The following PTPRS variants were observed in gnomAD, a reference collection of about 807,000 sequenced individuals.
PTPRS encodes the protein receptor-type tyrosine-protein phosphatase S.
A neutral mutation model predicts 215.3 loss-of-function variants in PTPRS; 63 were observed. The observed-to-expected ratio is 0.29, with a 90% CI of 0.24 to 0.36. The LOEUF (loss-of-function observed/expected upper bound fraction) is 0.36, where lower values mean the gene tolerates loss of function less well. Among genes scored for constraint, PTPRS ranks in the 10% least tolerant of loss-of-function variants. PTPRS has a pLI of 1.00. For synonymous variants in PTPRS, 1,404 were observed against 1,191.4 expected (o/e 1.18, Z -3.68); for missense variants, 2,258 against 2,825.8 (o/e 0.80, Z 4.56).
At position 5,229,644 on chromosome 19, in the gene PTPRS, G is replaced by C. The variant is rs1331877453; in HGVS notation, c.2196C>G (p.Leu732=). 3 of 1,328,690 alleles carry C rather than the reference G, an allele frequency of 2.3e-6. No homozygotes were observed. Among genetic ancestry groups the C allele is most frequent in the Non-Finnish European group, 2.9e-6 (3 of 1,045,422 alleles). 82.3% of individuals were successfully genotyped at this position (1,328,690 alleles called of 1,614,324 possible). A position where few individuals can be genotyped will look rare whatever the true frequency, so the allele number is the denominator to read the frequency against. ...APPRKVEAEA[L]NATAIRVLWR... ...ACAGCACGCGGATGGCCGTGGCGTTGAGCGCCTCCGCCTCCACCTTCCGCG... is the reference window on the plus strand; with the variant it reads ...ACAGCACGCGGATGGCCGTGGCGTTCAGCGCCTCCGCCTCCACCTTCCGCG... Residue 732 remains leucine (L), a synonymous_variant, in exon 15 of 38, where the codon CTC becomes CTG. Coordinates refer to ENST00000262963, the MANE Select transcript of PTPRS (RefSeq NM_002850.4).
chr19:5,224,239 G>GT (rs1338797135), intron 17 of PTPRS, among the ~76,000 whole-genome samples: 1 of 152,146 alleles, frequency 6.6e-6, no homozygotes, highest in African/African-American at 2.4e-5. Flanking sequence ...AAAGAAGAAA[G>GT]AGAGGGAACC....
At chr19:5,240,593 A>G (rs894990587) in intron 11 of PTPRS, among the ~76,000 whole-genome samples, 4 of 151,914 alleles carry the variant, frequency 2.6e-5, no homozygotes, top group Non-Finnish European at 5.9e-5. Flanking sequence ...TAATCCCAGC[A>G]CTTTAGGAGG....
chr19:5,320,034 G>A (rs1278529348), intron 1 of PTPRS, among the ~76,000 whole-genome samples: 6 of 152,198 alleles, frequency 3.9e-5, no homozygotes, highest in African/African-American at 1.4e-4. Context: ...GGAGGCATCT[G>A]AGAAATCCCC....
chr19:5,256,129 G>A lies in PTPRS; in HGVS notation c.707-10C>T. The A allele has an allele frequency of 6.6e-7, 1 of 1,523,218 alleles. No individual in the cohort carries two copies. Among genetic ancestry groups the A allele is most frequent in the Non-Finnish European group, 9.1e-7 (1 of 1,100,744 alleles). The allele number at this position is 1,523,218 out of a possible 1,614,324, so 94.4% of individuals were successfully genotyped here. A position where few individuals can be genotyped will look rare whatever the true frequency, so the allele number is the denominator to read the frequency against. ...CAACCTTCTCGAAGCTCTGAGGGATGTAAAGGGGGTTTGATGCAGAACACA... is the reference window on the plus strand; with the variant it reads ...CAACCTTCTCGAAGCTCTGAGGGATATAAAGGGGGTTTGATGCAGAACACA... On this transcript the variant is annotated splice_polypyrimidine_tract_variant and intron_variant, in intron 8 of 37. Coordinates refer to ENST00000262963, the MANE Select transcript of PTPRS (RefSeq NM_002850.4).
intron 1 of PTPRS, among the ~76,000 whole-genome samples, chr19:5,333,884 T>G (rs1209850274): frequency 6.6e-6 from 1 of 152,210 alleles, no homozygotes; most frequent in African/African-American, 2.4e-5. Context: ...AATGCATGCA[T>G]GCTCGCTCGC....
At chr19:5,288,997 G>A (rs2048590918) in intron 1 of PTPRS, among the ~76,000 whole-genome samples, 2 of 152,260 alleles carry the variant, frequency 1.3e-5, no homozygotes, top group East Asian at 1.9e-4. Context: ...GGGCAGGGAC[G>A]AGGGGCTACA....
rs781044196 is a variant in PTPRS, at chr19:5,212,511, C to G, written c.4615-20G>C. 6.4e-7 allele frequency: 1 copy of G among 1,569,160 alleles called. No homozygotes were observed. The highest frequency in any genetic ancestry group is 1.4e-5 in the African/African-American group (1 of 73,892). On this transcript the variant is annotated intron_variant, in intron 30 of 37. Coordinates refer to ENST00000262963, the MANE Select transcript of PTPRS (RefSeq NM_002850.4). ...GCCATTCTGGGGACCACAAGGATGT[C>G]ACCTGTCACTCCGGCTCAACCTGCC...
intron 16 of PTPRS, among the ~76,000 whole-genome samples, chr19:5,228,453 C>T (rs1345548480): frequency 1.3e-5 from 2 of 151,512 alleles, no homozygotes; most frequent in African/African-American, 4.9e-5. Context: ...TCAAACGATT[C>T]TCCTGCCTCA....
At chr19:5,214,506 C>T (rs753839474) in intron 29 of PTPRS, 26 bp from the exon 30 acceptor site, 50 of 1,613,502 alleles carry the variant, frequency 3.1e-5, no homozygotes, top group Non-Finnish European at 4.2e-5. Context: ...GAACAGGTGT[C>T]AGCAGGGACA....
chr19:5,269,741 C>A (rs1011711741), intron 4 of PTPRS, among the ~76,000 whole-genome samples: 1 of 151,864 alleles, frequency 6.6e-6, no homozygotes, highest in Non-Finnish European at 1.5e-5. Context: ...ACCAACATGG[C>A]GAAACACTGT....
Position 5,223,390 on chromosome 19 carries a change from A to G in PTPRS, c.2495-93T>C, listed in dbSNP as rs980045879. On this transcript the variant is annotated intron_variant, in intron 17 of 37. Coordinates refer to ENST00000262963, the MANE Select transcript of PTPRS (RefSeq NM_002850.4). ...TTGTATTTTTAATTCTTTTCCTTCA[A>G]TATAACATTTTTTTGAGTTGGGGGG... The G allele has an allele frequency of 4.5e-6, 6 of 1,322,412 alleles. No individual in the cohort carries two copies. In the Admixed American group the frequency reaches 2.3e-4, roughly 51 times the overall value. The allele number at this position is 1,322,412 out of a possible 1,614,324, so 81.9% of individuals were successfully genotyped here. A position where few individuals can be genotyped will look rare whatever the true frequency, so the allele number is the denominator to read the frequency against.
At chr19:5,333,461 T>C (rs990952803) in intron 1 of PTPRS, among the ~76,000 whole-genome samples, 1 of 151,894 alleles carries the variant, frequency 6.6e-6, no homozygotes, top group Non-Finnish European at 1.5e-5. Context: ...TGAGCCATTA[T>C]GGCATCACTG....
intron 37 of PTPRS, 60 bp from the exon 38 acceptor site, chr19:5,206,902 C>G: frequency 3.9e-6 from 6 of 1,519,968 alleles, no homozygotes; most frequent in Non-Finnish European, 5.5e-6. Flanking sequence ...CCAGGGCTCC[C>G]TATCGCCCTC....
At chr19:5,241,228 G>C (rs190343203) in intron 11 of PTPRS, among the ~76,000 whole-genome samples, 4 of 152,014 alleles carry the variant, frequency 2.6e-5, no homozygotes, top group Admixed American at 2.6e-4. Context: ...GCCCTCGCTG[G>C]CTGCGAATTA....
Position 5,257,904 on chromosome 19 carries a change from C to T in PTPRS, c.706+113G>A, listed in dbSNP as rs964558818. ...GGTCCCACCGCGACCGGGGAGGGGC[C>T]TTCCTGCTTGGGTGTGCAGGGGACG... is the stretch of plus-strand genomic sequence containing the variant. On this transcript the variant is annotated intron_variant, in intron 8 of 37. Coordinates refer to ENST00000262963, the MANE Select transcript of PTPRS (RefSeq NM_002850.4). This position sits in a 1 kb window ranked among gnomAD's most constrained non-coding sequence, Gnocchi z 4.4. 18 of 881,902 alleles carry T rather than the reference C, an allele frequency of 2.0e-5. No individual in the cohort carries two copies. The highest frequency in any genetic ancestry group is 3.2e-5 in the Non-Finnish European group (18 of 569,976). 54.6% of individuals were successfully genotyped at this position (881,902 alleles called of 1,614,324 possible). A position where few individuals can be genotyped will look rare whatever the true frequency, so the allele number is the denominator to read the frequency against.
intron 1 of PTPRS, among the ~76,000 whole-genome samples, chr19:5,331,720 G>A (rs538759666): frequency 1.6e-4 from 24 of 152,334 alleles, no homozygotes; most frequent in African/African-American, 5.8e-4. Context: ...GCTACAGAAA[G>A]AACGAGGGAT....
intron 2 of PTPRS, among the ~76,000 whole-genome samples, chr19:5,276,142 A>G (rs2047340474): frequency 6.6e-6 from 1 of 152,210 alleles, no homozygotes; most frequent in Non-Finnish European, 1.5e-5. Context: ...CCTGGCTTTC[A>G]CATCCACATT....
chr19:5,320,821 C>T (rs1031994780), intron 1 of PTPRS, among the ~76,000 whole-genome samples: 14 of 152,186 alleles, frequency 9.2e-5, no homozygotes, highest in African/African-American at 3.4e-4. Flanking sequence ...CCCAAGGGAG[C>T]CTGGATGGTT....
chr19:5,321,617 A>C (rs971365207), intron 1 of PTPRS, among the ~76,000 whole-genome samples: 8 of 152,244 alleles, frequency 5.3e-5, no homozygotes, highest in African/African-American at 1.9e-4. Context: ...AGAGTGGAGA[A>C]GCCTCAGATG....
Sources: allele counts gnomAD v4.1 joint callset (sites outside exome capture counted in the v4.1 genomes callset), GRCh38; gene constraint gnomAD v4.1.1; non-coding constraint Gnocchi (gnomAD v3.1); transcripts MANE v1.5; gene names NCBI Gene and HGNC (gene_info 2026-07-23, HGNC 2026-07-21).